SOX5: variants seen among roughly 807,000 people sequenced by gnomAD.
SOX5 encodes the protein transcription factor SOX-5.
In SOX5, 9 loss-of-function variants were observed where a neutral mutation model predicts 92.0. The observed-to-expected ratio is 0.10, with a 90% CI of 0.06 to 0.17. The LOEUF (loss-of-function observed/expected upper bound fraction) is 0.17. Ranked by LOEUF, SOX5 falls within the 10% of genes least tolerant of loss-of-function variation. The pLI, the probability that SOX5 is intolerant of heterozygous loss-of-function variation, is 1.00. For synonymous variants in SOX5, 344 were observed against 336.3 expected (o/e 1.02, Z -0.25); for missense variants, 642 against 944.5 (o/e 0.68, Z 4.20).
intron 2 of SOX5, among the ~76,000 whole-genome samples, chr12:24,316,502 ACTC>A (rs1949708150): frequency 6.6e-6 from 1 of 152,152 alleles, no homozygotes; most frequent in Non-Finnish European, 1.5e-5. Flanking sequence ...AGTACTTTCA[ACTC>A]ACTCATCAGA....
chr12:23,569,811 T>TTA (rs1947826851), intron 10 of SOX5, among the ~76,000 whole-genome samples: 2 of 152,228 alleles, frequency 1.3e-5, no homozygotes. Context: ...TTTGACAAGA[T>TTA]GAGTACTTCC....
intron 8 of SOX5, among the ~76,000 whole-genome samples, chr12:23,613,979 G>C (rs186288559): frequency 1.3e-5 from 2 of 152,254 alleles, no homozygotes; most frequent in African/African-American, 4.8e-5. Context: ...GTCAAAACCT[G>C]GTGGCCCAAG....
At chr12:23,850,049 T>G (rs1205247878) in intron 2 of SOX5, among the ~76,000 whole-genome samples, 1 of 152,158 alleles carries the variant, frequency 6.6e-6, no homozygotes, top group African/African-American at 2.4e-5. Flanking sequence ...TAAGATGAAC[T>G]ACAGATACAC....
intron 1 of SOX5, among the ~76,000 whole-genome samples, chr12:23,896,495 T>C (rs1167920303): frequency 6.6e-6 from 1 of 152,168 alleles, no homozygotes; most frequent in Non-Finnish European, 1.5e-5. Flanking sequence ...CAAATTTACA[T>C]TTTATTGAAA....
chr12:23,946,412 G>C (rs1261124244), intron 1 of SOX5, among the ~76,000 whole-genome samples: 2 of 151,930 alleles, frequency 1.3e-5, no homozygotes, highest in Non-Finnish European at 2.9e-5. Flanking sequence ...TACAACCAAA[G>C]AGGACAGATA....
intron 3 of SOX5, among the ~76,000 whole-genome samples, chr12:24,250,014 C>T (rs1172266179): frequency 4.6e-5 from 7 of 152,254 alleles, no homozygotes; most frequent in Non-Finnish European, 8.8e-5. Context: ...TTGAGCCTCA[C>T]CAAGCACTGC....
chr12:24,464,323 ATT>A (rs11332671), intron 1 of SOX5, among the ~76,000 whole-genome samples: 58,277 of 138,770 alleles, frequency 0.42, 11,623 homozygotes, highest in Non-Finnish European at 0.49. Context: ...GTGAGAGTTA[ATT>A]TTTTTTTTTT....
chr12:23,930,290 C>G (rs1287893434), intron 1 of SOX5, among the ~76,000 whole-genome samples: 1 of 151,706 alleles, frequency 6.6e-6, no homozygotes, highest in African/African-American at 2.4e-5. Flanking sequence ...AGCAATTTGG[C>G]TAGGTTATTT....
chr12:24,505,593 T>A lies in SOX5; in HGVS notation c.-251+56736A>T, dbSNP rs142987210. Reference sequence around the variant, plus strand: ...AGGTGCTCTGATAACAAGAAACTATTCACAGTAACTCACCACTGTTGCACA... The same window carrying A: ...AGGTGCTCTGATAACAAGAAACTATACACAGTAACTCACCACTGTTGCACA... On this transcript the variant is annotated intron_variant, in intron 1 of 4. Transcript: ENST00000446891. 4.0e-3 allele frequency among the ~76,000 whole-genome samples: 611 copies of A among 152,302 alleles called. 3 individuals are homozygous for A. Among genetic ancestry groups the A allele is most frequent in the African/African-American group, 0.013 (546 of 41,566 alleles).
chr12:24,487,138 A>G (rs1164652134), intron 1 of SOX5, among the ~76,000 whole-genome samples: 1 of 152,230 alleles, frequency 6.6e-6, no homozygotes, highest in Non-Finnish European at 1.5e-5. Context: ...ATAATTCTAA[A>G]GAATATTTAA....
At chr12:24,529,178 A>G (rs549890684) in intron 1 of SOX5, among the ~76,000 whole-genome samples, 1 of 152,346 alleles carries the variant, frequency 6.6e-6, no homozygotes, top group South Asian at 2.1e-4. Flanking sequence ...AAGCCCAGTT[A>G]CTACACAGAA....
chr12:24,499,940 A>G (rs1015423530), intron 1 of SOX5, among the ~76,000 whole-genome samples: 2 of 152,162 alleles, frequency 1.3e-5, no homozygotes, highest in African/African-American at 4.8e-5. Flanking sequence ...CACAGATTTT[A>G]TTATATCAAA....
chr12:23,833,683 T>A (rs952406707), intron 3 of SOX5, among the ~76,000 whole-genome samples: 3 of 151,934 alleles, frequency 2.0e-5, no homozygotes, highest in Admixed American at 1.3e-4. Context: ...CTTTATGACC[T>A]AGGAGAATAT....
intron 11 of SOX5, 140 bp from the exon 12 acceptor site, chr12:23,546,564 T>C: frequency 1.7e-6 from 1 of 595,170 alleles, no homozygotes; most frequent in East Asian, 2.8e-5. Context: ...GTTCAGCACA[T>C]TAACCTGAAG....
At chr12:23,670,049 G>T (rs996137244) in intron 6 of SOX5, among the ~76,000 whole-genome samples, 1 of 152,110 alleles carries the variant, frequency 6.6e-6, no homozygotes. Context: ...TGGAGGAAAG[G>T]TGCCTATCGG....
intron 6 of SOX5, among the ~76,000 whole-genome samples, chr12:23,681,619 G>T (rs1416692459): frequency 6.6e-6 from 1 of 151,610 alleles, no homozygotes. Flanking sequence ...AGACAAAATA[G>T]ACTTTAACAC....
intron 1 of SOX5, among the ~76,000 whole-genome samples, chr12:24,400,246 T>C (rs1376372971): frequency 6.6e-6 from 1 of 152,240 alleles, no homozygotes; most frequent in Non-Finnish European, 1.5e-5. Flanking sequence ...GTGGGTGAAA[T>C]AACTAAAATG....
intron 8 of SOX5, among the ~76,000 whole-genome samples, chr12:23,608,277 C>A (rs967817918): frequency 2.6e-5 from 4 of 152,060 alleles, no homozygotes; most frequent in Admixed American, 1.3e-4. Context: ...TCTAAAACTT[C>A]ACAACTCCTC....
chr12:23,635,346 C>G (rs1248547915), intron 8 of SOX5, among the ~76,000 whole-genome samples: 4 of 152,070 alleles, frequency 2.6e-5, no homozygotes, highest in Non-Finnish European at 5.9e-5. Flanking sequence ...GAGGACATGA[C>G]AAAATTTTCT....
Sources: gnomAD v4.1 joint callset for allele counts (sites outside exome capture counted in the v4.1 genomes callset) on GRCh38, gnomAD v4.1.1 for gene constraint, MANE v1.5 for transcripts, NCBI Gene and HGNC (gene_info 2026-07-23, HGNC 2026-07-21) for gene names.